Variants in PLCB4 observed in about 807,000 individuals in gnomAD.
PLCB4 encodes 1-phosphatidylinositol 4,5-bisphosphate phosphodiesterase beta-4.
PLCB4 carries 77 observed loss-of-function variants against 178.8 expected under a neutral mutation model. The observed-to-expected ratio is 0.43, with a 90% CI of 0.36 to 0.52. The LOEUF is 0.52. Ranked by LOEUF, PLCB4 falls within the 20% of genes least tolerant of loss-of-function variation. PLCB4 has a pLI of 0.00. For synonymous variants in PLCB4, 496 were observed against 490.8 expected, an observed-to-expected ratio of 1.01 and a Z score of -0.14; for missense variants, 1,024 against 1,453.4, an observed-to-expected ratio of 0.70 and a Z score of 4.80.
intron 2 of PLCB4, among the ~76,000 whole-genome samples, chr20:9,155,366 T>C (rs1016181994): frequency 2.6e-5 from 4 of 152,130 alleles, no homozygotes; most frequent in African/African-American, 9.7e-5. Context: ...GGCACTTAGG[T>C]TGGTTCCACA....
chr20:9,206,088 T>C (rs2093610335), intron 2 of PLCB4, among the ~76,000 whole-genome samples: 2 of 152,200 alleles, frequency 1.3e-5, no homozygotes, highest in Non-Finnish European at 2.9e-5. Context: ...AAGGGAATGT[T>C]TGTTAGAAGT....
At chr20:9,237,455 T>C (rs552451468) in intron 3 of PLCB4, among the ~76,000 whole-genome samples, 1 of 152,318 alleles carries the variant, frequency 6.6e-6, no homozygotes, top group South Asian at 2.1e-4. Flanking sequence ...AGTAGGAGCT[T>C]GCTCCTCAAG....
At chr20:9,090,942 A>G (rs1365142325) in intron 1 of PLCB4, among the ~76,000 whole-genome samples, 1 of 152,186 alleles carries the variant, frequency 6.6e-6, no homozygotes, top group Non-Finnish European at 1.5e-5. Flanking sequence ...TTTCGACAGT[A>G]GACTTGTTTC....
intron 13 of PLCB4, among the ~76,000 whole-genome samples, chr20:9,382,164 T>C (rs1204512801): frequency 6.6e-6 from 1 of 152,220 alleles, no homozygotes; most frequent in Non-Finnish European, 1.5e-5. Context: ...TGGACTTGTT[T>C]CATTCTTTCA....
intron 2 of PLCB4, among the ~76,000 whole-genome samples, chr20:9,213,669 G>A (rs573622534): frequency 6.6e-6 from 1 of 152,168 alleles, no homozygotes; most frequent in Admixed American, 6.5e-5. Context: ...TTTTTCTTGG[G>A]TTCATATCTA....
At chr20:9,229,435 T>A (rs1601315660) in intron 3 of PLCB4, among the ~76,000 whole-genome samples, 1 of 152,162 alleles carries the variant, frequency 6.6e-6, no homozygotes, top group East Asian at 2.0e-4. Context: ...GAAGGCCACA[T>A]GTCTCCTGCT....
At chr20:9,381,774 T>C (rs1303120332) in intron 13 of PLCB4, among the ~76,000 whole-genome samples, 1 of 152,168 alleles carries the variant, frequency 6.6e-6, no homozygotes, top group Admixed American at 6.5e-5. Flanking sequence ...ATTTTGGCAA[T>C]AGTTTATAAA....
intron 3 of PLCB4, among the ~76,000 whole-genome samples, chr20:9,302,226 A>G (rs1306858097): frequency 1.3e-5 from 2 of 152,088 alleles, no homozygotes; most frequent in Admixed American, 6.6e-5. Context: ...GATAATTGCA[A>G]TAAGAATGTA....
chr20:9,306,357 C>T lies in PLCB4; in HGVS notation c.-15-1443C>T, dbSNP rs918731697. ...CCTGACCTCAGGTGATCCACCCCCT[C>T]CCCCCACCCCGGCCTCTCAAAATGC... On this transcript the variant is annotated intron_variant, in intron 3 of 39. Coordinates refer to ENST00000378473, the MANE Select transcript of PLCB4 (RefSeq NM_001377142.1). Among the ~76,000 whole-genome samples the T allele has an allele frequency of 1.1e-4, 16 of 151,628 alleles. 1 individual carries two copies. The highest frequency in any genetic ancestry group is 9.2e-4 in the Admixed American group (14 of 15,194).
intron 4 of PLCB4, among the ~76,000 whole-genome samples, chr20:9,325,545 C>G (rs1303213252): frequency 6.6e-6 from 1 of 152,144 alleles, no homozygotes; most frequent in Non-Finnish European, 1.5e-5. Context: ...CCTCACAATC[C>G]TCACAGCAGA....
intron 3 of PLCB4, among the ~76,000 whole-genome samples, chr20:9,232,212 A>G (rs1248196334): frequency 1.3e-5 from 2 of 152,172 alleles, no homozygotes; most frequent in African/African-American, 2.4e-5. Flanking sequence ...GTTGATGGAC[A>G]GGCCTCTAAT....
At chr20:9,159,464 A>C (rs1230402838) in intron 2 of PLCB4, among the ~76,000 whole-genome samples, 8 of 152,214 alleles carry the variant, frequency 5.3e-5, no homozygotes, top group Non-Finnish European at 1.0e-4. Flanking sequence ...AAAGAGATTT[A>C]GCATGTTTTT....
chr20:9,213,388 A>C, intron 2 of PLCB4, among the ~76,000 whole-genome samples: 1 of 151,828 alleles, frequency 6.6e-6, no homozygotes, highest in South Asian at 2.1e-4. Flanking sequence ...TAGGTGATCC[A>C]CCCACCCTGG....
intron 4 of PLCB4, among the ~76,000 whole-genome samples, chr20:9,323,211 A>G (rs908091221): frequency 2.0e-5 from 3 of 151,468 alleles, no homozygotes. Flanking sequence ...CCTCTGGACT[A>G]CTCTCCTCTG....
chr20:9,451,729 T>G (rs2122269604), intron 32 of PLCB4, among the ~76,000 whole-genome samples: 1 of 152,318 alleles, frequency 6.6e-6, no homozygotes, highest in African/African-American at 2.4e-5. Flanking sequence ...TATAGATAGG[T>G]TTGTATGTCA....
At chr20:9,284,852 A>G (rs1430763952) in intron 3 of PLCB4, among the ~76,000 whole-genome samples, 2 of 152,022 alleles carry the variant, frequency 1.3e-5, no homozygotes, top group Non-Finnish European at 2.9e-5. Flanking sequence ...AGGTTCTCAA[A>G]AAGATTAGTT....
intron 2 of PLCB4, among the ~76,000 whole-genome samples, chr20:9,157,089 G>A (rs1042380042): frequency 2.6e-5 from 4 of 151,760 alleles, no homozygotes; most frequent in Non-Finnish European, 5.9e-5. Flanking sequence ...GGAGTGGAGT[G>A]AAGAAGGCAC....
In PLCB4 at chr20:9,389,746, G is replaced by A. The variant is rs927583693; in HGVS notation, c.1159-133G>A. On this transcript the variant is annotated intron_variant, in intron 15 of 39. Transcript: ENST00000378473. ...GAACTCAACCTTTAGAGGTGTCAAGGTAGATGGGGGCTCCAGGTCTGAATT... is the reference window on the plus strand; with the variant it reads ...GAACTCAACCTTTAGAGGTGTCAAGATAGATGGGGGCTCCAGGTCTGAATT... 20 of 593,500 alleles carry A rather than the reference G, an allele frequency of 3.4e-5. 1 individual carries two copies. In the Middle Eastern group the frequency reaches 2.2e-3, roughly 66 times the overall value. The allele number at this position is 593,500 out of a possible 1,614,324, so 36.8% of individuals were successfully genotyped here. A position where few individuals can be genotyped will look rare whatever the true frequency, so the allele number is the denominator to read the frequency against.
intron 20 of PLCB4, among the ~76,000 whole-genome samples, chr20:9,403,716 C>G (rs2039219642): frequency 6.6e-6 from 1 of 152,222 alleles, no homozygotes; most frequent in Non-Finnish European, 1.5e-5. Flanking sequence ...TTGGCTGAAA[C>G]TCAGTGATTG....
Sources: allele counts gnomAD v4.1 joint callset (sites outside exome capture counted in the v4.1 genomes callset), GRCh38; gene constraint gnomAD v4.1.1; transcripts MANE v1.5; gene names NCBI Gene and HGNC (gene_info 2026-07-23, HGNC 2026-07-21).